CELF2: variants seen among roughly 807,000 people sequenced by gnomAD.
The protein encoded by CELF2 is CUG triplet repeat RNA-binding protein 2.
A neutral mutation model predicts 62.6 loss-of-function variants in CELF2; 8 were observed. That is an observed-to-expected ratio of 0.13 (90% CI 0.07 to 0.23). The LOEUF is 0.23. Among genes scored for constraint, CELF2 ranks in the 10% least tolerant of loss-of-function variants. The probability of loss-of-function intolerance (pLI) is 1.00; values close to 1 mark genes in which losing one functional copy is unlikely to be tolerated. For missense variants in CELF2, 333 were observed against 671.0 expected, an observed-to-expected ratio of 0.50 and a Z score of 5.56; for synonymous variants, 258 against 250.0, an observed-to-expected ratio of 1.03 and a Z score of -0.30.
At chr10:11,264,046 T>G (rs1590121780) in intron 5 of CELF2, among the ~76,000 whole-genome samples, 1 of 152,300 alleles carries the variant, frequency 6.6e-6, no homozygotes, top group Non-Finnish European at 1.5e-5. Context: ...AGCTTCTGTC[T>G]TACTGCACCA....
chr10:11,038,653 T>C (rs1051233145), intron 1 of CELF2, among the ~76,000 whole-genome samples: 6 of 152,236 alleles, frequency 3.9e-5, no homozygotes, highest in African/African-American at 1.4e-4. Flanking sequence ...TGAATATCCA[T>C]TTCAGCACTG....
intron 1 of CELF2, among the ~76,000 whole-genome samples, chr10:11,034,425 C>G (rs2060630866): frequency 6.6e-6 from 1 of 151,774 alleles, no homozygotes; most frequent in Non-Finnish European, 1.5e-5. Context: ...TTCCTTATTA[C>G]TAAGAACACT....
rs1564506129 is a variant in CELF2 at position 11,046,376 on chromosome 10, C to T, written c.74+28213C>T. On this transcript the variant is annotated intron_variant, in intron 1 of 12. Coordinates refer to ENST00000633077, the MANE Select transcript of CELF2 (RefSeq NM_001326342.2). This position sits in a 1 kb window ranked among gnomAD's most constrained non-coding sequence, Gnocchi z 4.6. Reference sequence around the variant, plus strand: ...ATGCAATTTGGATCTCCCTAGACGACTTGGCCCAGAGTTGGGCACAGAGTA... The same window carrying T: ...ATGCAATTTGGATCTCCCTAGACGATTTGGCCCAGAGTTGGGCACAGAGTA... Among the ~76,000 whole-genome samples, 1 of 152,234 alleles carries T rather than the reference C, an allele frequency of 6.6e-6. No homozygotes were observed.
the CELF2 span, among the ~76,000 whole-genome samples, chr10:10,689,819 G>C: frequency 2.0e-5 from 3 of 152,194 alleles, no homozygotes; most frequent in Non-Finnish European, 4.4e-5. Flanking sequence ...AACGAAATAT[G>C]TACGTGTGAA....
At chr10:11,174,712 C>T (rs2070364544) in intron 2 of CELF2, among the ~76,000 whole-genome samples, 1 of 152,212 alleles carries the variant, frequency 6.6e-6, no homozygotes, top group Non-Finnish European at 1.5e-5. Flanking sequence ...GCTTTACCCG[C>T]ATGTGGGTCA....
At chr10:10,764,072 T>G in the CELF2 span, among the ~76,000 whole-genome samples, 1 of 152,240 alleles carries the variant, frequency 6.6e-6, no homozygotes, top group Non-Finnish European at 1.5e-5. Context: ...TTTGTTCTTC[T>G]TAGTAACAGA....
At chr10:11,116,540 G>A (rs992377995) in intron 1 of CELF2, among the ~76,000 whole-genome samples, 98 of 152,220 alleles carry the variant, frequency 6.4e-4, no homozygotes, top group Non-Finnish European at 2.9e-5. Flanking sequence ...GGTCTTGAGC[G>A]CTAGTGCCAC....
chr10:10,692,244 A>G, the CELF2 span, among the ~76,000 whole-genome samples: 1 of 150,744 alleles, frequency 6.6e-6, no homozygotes, highest in East Asian at 2.0e-4. Flanking sequence ...CAGTTTTCCC[A>G]GCACCATTTA....
At chr10:11,100,414 T>G (rs1247857169) in intron 1 of CELF2, among the ~76,000 whole-genome samples, 2 of 151,918 alleles carry the variant, frequency 1.3e-5, no homozygotes, top group Admixed American at 6.6e-5. Flanking sequence ...CAGGTTGTTT[T>G]GGTTACATGG....
At chr10:10,962,935 T>C (rs73579405) in intron 2 of CELF2, among the ~76,000 whole-genome samples, 1,761 of 152,326 alleles carry the variant, frequency 0.012, 36 homozygotes, top group African/African-American at 0.04. Context: ...AGTCATGTTT[T>C]CATCAAACGT....
the CELF2 span, among the ~76,000 whole-genome samples, chr10:10,670,503 C>T: frequency 6.6e-6 from 1 of 152,158 alleles, no homozygotes; most frequent in African/African-American, 2.4e-5. Context: ...TAGATCCCTG[C>T]CCCCTGCCCC....
the CELF2 span, among the ~76,000 whole-genome samples, chr10:10,504,582 G>T: frequency 1.3e-5 from 2 of 151,960 alleles, no homozygotes; most frequent in Admixed American, 6.6e-5. Context: ...ATAGATTTGG[G>T]GTATTTTCCA....
chr10:10,804,372 C>T (rs1010998553), intron 1 of CELF2, among the ~76,000 whole-genome samples: 3 of 152,218 alleles, frequency 2.0e-5, no homozygotes, highest in Admixed American at 2.0e-4. Flanking sequence ...GGCCCATAGT[C>T]TAACTTGGTC....
rs34656661 is a variant in CELF2 at position 11,011,667 on chromosome 10, ACAAGATAGAACATACTCCACTCTGTATAG to A, written c.53+6229_53+6257del. 0.26 allele frequency among the ~76,000 whole-genome samples: 39,472 copies of A among 151,956 alleles called. 9,960 individuals carry two copies. Among genetic ancestry groups the A allele is most frequent in the African/African-American group, 0.66 (27,351 of 41,312 alleles). The stretch of plus-strand genomic sequence containing the variant: ...CTTTGTACTCAGCGATAGTGGTAGG[ACAAGATAGAACATACTCCACTCTGTATAG>A]CTTGACTAGGTAGCTATACCACTTT... On this transcript the variant is annotated intron_variant, in intron 1 of 12. Transcript: ENST00000416382. This position sits in a 1 kb window ranked among gnomAD's most constrained non-coding sequence, Gnocchi z 4.6.
intron 7 of CELF2, among the ~76,000 whole-genome samples, chr10:11,273,614 A>T (rs547263005): frequency 2.6e-5 from 4 of 152,082 alleles, no homozygotes; most frequent in Non-Finnish European, 4.4e-5. Context: ...AGTCATATCC[A>T]TGTGTAGGGT....
chr10:10,671,169 A>G, the CELF2 span, among the ~76,000 whole-genome samples: 2 of 149,414 alleles, frequency 1.3e-5, no homozygotes, highest in African/African-American at 4.9e-5. Context: ...CTGTCTCAAA[A>G]AAAAAAAAAA....
chr10:10,980,832 G>T (rs898706275), intron 2 of CELF2, among the ~76,000 whole-genome samples: 3 of 151,598 alleles, frequency 2.0e-5, no homozygotes, highest in African/African-American at 7.3e-5. Flanking sequence ...TGTTTCTCTG[G>T]CTGCTCTTGA....
intron 1 of CELF2, among the ~76,000 whole-genome samples, chr10:10,825,427 G>C (rs1459058855): frequency 6.6e-6 from 1 of 152,038 alleles, no homozygotes; most frequent in Non-Finnish European, 1.5e-5. Flanking sequence ...AGCCAGGCTG[G>C]TCTTGATTTC....
chr10:11,165,466 C>G lies in CELF2; in HGVS notation c.75-20C>G, dbSNP rs2066812667. 3 of 1,608,086 alleles carry G rather than the reference C, an allele frequency of 1.9e-6. No homozygotes were observed. In the African/African-American group the frequency reaches 4.0e-5, roughly 22 times the overall value. On this transcript the variant is annotated intron_variant, in intron 1 of 12. Transcript: ENST00000633077. The surrounding 1 kb of genome is among the most constrained non-coding windows in gnomAD (Gnocchi z 7.4). The stretch of plus-strand genomic sequence containing the variant: ...TCATCGTGCCGCCCTAACTCTGGCT[C>G]CCGGTTCCGTTTTTGACAGTAACGG...
Sources: gnomAD v4.1 joint callset for allele counts (sites outside exome capture counted in the v4.1 genomes callset) on GRCh38, gnomAD v4.1.1 for gene constraint, Gnocchi (gnomAD v3.1) non-coding constraint, MANE v1.5 for transcripts, NCBI Gene and HGNC (gene_info 2026-07-23, HGNC 2026-07-21) for gene names.